IL1RAPL1: variants seen among roughly 807,000 people sequenced by gnomAD.
IL1RAPL1 encodes the protein interleukin 1 receptor accessory protein like 1.
In IL1RAPL1, 3 loss-of-function variants were observed where a neutral mutation model predicts 48.4. The ratio of observed to expected loss-of-function variants is 0.06; its 90% confidence interval spans 0.03 to 0.16. The LOEUF is 0.16. Among genes scored for constraint, IL1RAPL1 ranks in the 10% least tolerant of loss-of-function variants. IL1RAPL1 has a pLI of 1.00. For missense variants in IL1RAPL1, 349 were observed against 530.6 expected (o/e 0.66, Z 3.36); for synonymous variants, 185 against 187.7 (o/e 0.99, Z 0.12).
At chrX:28,722,127 C>T (rs1261187195) in intron 1 of IL1RAPL1, among the ~76,000 whole-genome samples, 16 of 111,405 alleles carry the variant, frequency 1.4e-4, no homozygotes, top group South Asian at 7.6e-4. Flanking sequence ...TCTAATTCTG[C>T]GAAGAAAGTC....
chrX:29,887,965 G>A (rs376998002), intron 6 of IL1RAPL1, among the ~76,000 whole-genome samples: 1 of 111,140 alleles, frequency 9.0e-6, no homozygotes, highest in Non-Finnish European at 1.9e-5. Context: ...TCAACTAATA[G>A]TACCAAACAA....
At chrX:29,750,099 C>A (rs1252259223) in intron 6 of IL1RAPL1, among the ~76,000 whole-genome samples, 1 of 112,045 alleles carries the variant, frequency 8.9e-6, no homozygotes, top group African/African-American at 3.2e-5. Flanking sequence ...TTCTCCATCT[C>A]CTTACCCAAA....
chrX:29,351,145 A>G (rs777523506), intron 3 of IL1RAPL1, among the ~76,000 whole-genome samples: 5 of 112,214 alleles, frequency 4.5e-5, no homozygotes, highest in African/African-American at 9.7e-5. Flanking sequence ...GTATTTTTCC[A>G]GTTTGACATT....
chrX:29,711,183 TC>T (rs200538885), intron 6 of IL1RAPL1, among the ~76,000 whole-genome samples: 1 of 98,667 alleles, frequency 1.0e-5, no homozygotes, highest in African/African-American at 4.2e-5. Context: ...CCTTTTTTTT[TC>T]TTTTCTTTTT....
intron 2 of IL1RAPL1, among the ~76,000 whole-genome samples, chrX:29,136,600 G>A (rs1319285221): frequency 2.7e-5 from 3 of 111,126 alleles, no homozygotes; most frequent in African/African-American, 6.5e-5. Flanking sequence ...GGCCTCAAGC[G>A]ATCCTCCCAC....
intron 5 of IL1RAPL1, among the ~76,000 whole-genome samples, chrX:29,409,514 CTTTA>C (rs1934114233): frequency 9.0e-6 from 1 of 111,510 alleles, no homozygotes; most frequent in Admixed American, 9.6e-5. Flanking sequence ...CACTCATTAC[CTTTA>C]TTTATTATTT....
At chrX:29,107,163 G>T (rs1928464531) in intron 2 of IL1RAPL1, among the ~76,000 whole-genome samples, 1 of 111,775 alleles carries the variant, frequency 8.9e-6, no homozygotes, top group Admixed American at 9.5e-5. Flanking sequence ...CGTTTTCAGT[G>T]ATCTGAAATA....
rs768581876 is a variant in IL1RAPL1 at position 28,756,951 on chromosome X, A to G, written c.-24-32369A>G. ...TCTGCTTCTCATTTTTCTCACCTACACAATGGGCTAATATTAGCATCTATC... is the reference window on the plus strand; with the variant it reads ...TCTGCTTCTCATTTTTCTCACCTACGCAATGGGCTAATATTAGCATCTATC... On this transcript the variant is annotated intron_variant, in intron 1 of 10. Transcript: ENST00000378993. Among the ~76,000 whole-genome samples, 47 of 111,810 alleles carry G rather than the reference A, an allele frequency of 4.2e-4. No homozygotes were observed. In the Middle Eastern group the frequency reaches 0.023, roughly 55 times the overall value.
At chrX:29,374,286 CTTTT>C (rs747182215) in intron 3 of IL1RAPL1, among the ~76,000 whole-genome samples, 58 of 4,748 alleles carry the variant, frequency 0.012, 1 homozygote, top group African/African-American at 0.029. Context: ...TGGTTGGTTG[CTTTT>C]TTTTTTTTTT....
intron 6 of IL1RAPL1, among the ~76,000 whole-genome samples, chrX:29,788,822 C>T (rs1297975463): frequency 9.0e-6 from 1 of 111,492 alleles, no homozygotes; most frequent in Non-Finnish European, 1.9e-5. Context: ...ATGGTCAAAC[C>T]AAAATCTTTA....
chrX:29,405,521 T>C (rs1376763431), intron 5 of IL1RAPL1, among the ~76,000 whole-genome samples: 6 of 98,757 alleles, frequency 6.1e-5, no homozygotes, highest in African/African-American at 2.4e-4. Flanking sequence ...TGCCCGCCAC[T>C]AGGCCCAGCT....
chrX:29,716,157 C>G (rs979428647), intron 6 of IL1RAPL1, among the ~76,000 whole-genome samples: 3 of 111,022 alleles, frequency 2.7e-5, no homozygotes, highest in Non-Finnish European at 5.7e-5. Flanking sequence ...GGTGAGAGCT[C>G]AGGTGAAACT....
intron 2 of IL1RAPL1, among the ~76,000 whole-genome samples, chrX:29,018,489 A>G (rs1287571345): frequency 8.9e-6 from 1 of 111,969 alleles, no homozygotes; most frequent in East Asian, 2.8e-4. Flanking sequence ...AAAGAACTTG[A>G]GTAATCAAGG....
chrX:28,903,171 G>T (rs1243120091), intron 2 of IL1RAPL1, among the ~76,000 whole-genome samples: 10 of 110,871 alleles, frequency 9.0e-5, no homozygotes, highest in East Asian at 2.8e-4. Flanking sequence ...CCAGGCTGGA[G>T]TGTAGTGGCG....
chrX:28,685,222 G>C (rs1486616500), intron 1 of IL1RAPL1, among the ~76,000 whole-genome samples: 1 of 112,083 alleles, frequency 8.9e-6, no homozygotes, highest in Non-Finnish European at 1.9e-5. Flanking sequence ...CACTTCCTTG[G>C]TGAAACCCCA....
chrX:29,835,055 A>C, intron 6 of IL1RAPL1, among the ~76,000 whole-genome samples: 1 of 112,284 alleles, frequency 8.9e-6, no homozygotes, highest in Non-Finnish European at 1.9e-5. Context: ...TTCCAGAAAC[A>C]AAATCCAGAT....
At chrX:29,007,098 A>T (rs1027182943) in intron 2 of IL1RAPL1, among the ~76,000 whole-genome samples, 3 of 111,986 alleles carry the variant, frequency 2.7e-5, no homozygotes, top group African/African-American at 9.7e-5. Context: ...AACATTTGTG[A>T]ATTGTACACT....
intron 6 of IL1RAPL1, among the ~76,000 whole-genome samples, chrX:29,802,813 GTGTA>G (rs1479044496): frequency 5.5e-4 from 32 of 57,947 alleles, no homozygotes; most frequent in African/African-American, 1.8e-3. Flanking sequence ...ATATATATGT[GTGTA>G]TATATATGTA....
intron 2 of IL1RAPL1, among the ~76,000 whole-genome samples, chrX:28,949,184 T>C (rs903642652): frequency 3.6e-5 from 4 of 111,461 alleles, no homozygotes; most frequent in Non-Finnish European, 7.5e-5. Context: ...ATCCACTTTA[T>C]TTCAGCTATA....
Sources: allele counts gnomAD v4.1 joint callset (sites outside exome capture counted in the v4.1 genomes callset), GRCh38; gene constraint gnomAD v4.1.1; transcripts MANE v1.5; gene names NCBI Gene and HGNC (gene_info 2026-07-23, HGNC 2026-07-21).